Variants in DYNC2H1 observed in about 807,000 individuals in gnomAD.
The protein encoded by DYNC2H1 is dynein cytoplasmic 2 heavy chain 1, also known as cytoplasmic dynein 2 heavy chain 1.
A neutral mutation model predicts 570.0 loss-of-function variants in DYNC2H1; 410 were observed. That is an observed-to-expected ratio of 0.72 (90% confidence interval 0.66 to 0.78). DYNC2H1 has a LOEUF of 0.78. Among genes scored for constraint, DYNC2H1 ranks in the 30% least tolerant of loss-of-function variants. The pLI, the probability that DYNC2H1 is intolerant of heterozygous loss-of-function variation, is 0.00. For missense variants in DYNC2H1, 4,865 were observed against 5,046.4 expected (o/e 0.96, Z 1.09); for synonymous variants, 1,688 against 1,677.6 (o/e 1.01, Z -0.15).
At chr11:103,233,844 G>A (rs901453640) in intron 60 of DYNC2H1, among the ~76,000 whole-genome samples, 190 bp from the exon 61 acceptor site, 16 of 88,560 alleles carry the variant, frequency 1.8e-4, no homozygotes, top group African/African-American at 3.7e-4. Context: ...GTGTGTGTGT[G>A]TGTGTGTGTG....
Position 103,231,364 on chromosome 11 carries a change from G to A in DYNC2H1, c.9440+18G>A, listed in dbSNP as rs1288775767. 5 of 1,522,188 alleles carry A rather than the reference G, an allele frequency of 3.3e-6. No homozygotes were observed. The Middle Eastern group carries it at 5.2e-4, about 160-fold the overall frequency. The allele number at this position is 1,522,188 out of a possible 1,614,324, so 94.3% of individuals were successfully genotyped here. The stretch of plus-strand genomic sequence containing the variant: ...AAAGAAAAGTAAGTTATATTTTGAA[G>A]TGTATTTTGGATAATGCTGAGAGTG... On this transcript the variant is annotated intron_variant, in intron 60 of 88. Transcript: ENST00000375735.
intron 28 of DYNC2H1, among the ~76,000 whole-genome samples, chr11:103,159,894 G>A (rs1384771570): frequency 2.0e-5 from 3 of 152,094 alleles, no homozygotes; most frequent in Non-Finnish European, 4.4e-5. Context: ...ATCCTGCACG[G>A]TAGTTTATGT....
intron 65 of DYNC2H1, among the ~76,000 whole-genome samples, chr11:103,246,317 G>A (rs753608345): frequency 3.9e-5 from 6 of 151,946 alleles, no homozygotes; most frequent in East Asian, 1.9e-4. Flanking sequence ...GATATCTTAA[G>A]GAGGAGGAAA....
chr11:103,462,745 AGC>A lies in DYNC2H1; in HGVS notation c.12649-5843_12649-5842del, dbSNP rs1215648310. Among the ~76,000 whole-genome samples, 15 of 152,228 alleles carry A rather than the reference AGC, an allele frequency of 9.9e-5. No individual in the cohort carries two copies. In the South Asian group the frequency reaches 1.5e-3, roughly 15 times the overall value. Reference sequence around the variant, plus strand: ...CATTTTCTCTTTAAGTATCATTGTGAGCTTCTTGTATATCTAATGTTTCAGTA... The same window carrying A: ...CATTTTCTCTTTAAGTATCATTGTGATTCTTGTATATCTAATGTTTCAGTA... On this transcript the variant is annotated intron_variant, in intron 87 of 88. Transcript: ENST00000375735.
intron 88 of DYNC2H1, among the ~76,000 whole-genome samples, chr11:103,478,429 A>T (rs185216074): frequency 8.1e-4 from 123 of 152,232 alleles, no homozygotes; most frequent in African/African-American, 2.8e-3. Flanking sequence ...AAGAGAGACA[A>T]CCAGACATAT....
chr11:103,385,377 A>T (rs1565548475), intron 83 of DYNC2H1, among the ~76,000 whole-genome samples: 1 of 151,814 alleles, frequency 6.6e-6, no homozygotes, highest in East Asian at 1.9e-4. Context: ...TACATGATGC[A>T]TTCTGAATAA....
At position 103,143,359 on chromosome 11, in the gene DYNC2H1, T is replaced by G. The variant is rs759326887; in HGVS notation, c.2666T>G (p.Leu889Ter). The change falls in exon 18 of 89, where the codon TTA becomes TGA. Residue 889 changes from leucine (L) to a stop codon, truncating the protein, a stop_gained. Coordinates refer to ENST00000375735, the MANE Select transcript of DYNC2H1 (RefSeq NM_001377.3). LOFTEE classifies it high-confidence loss of function. ...VHDWEKNFKA[L>*]KIKGKEVERL... ...GATTGGGAGAAAAATTTTAAAGCAT[T>G]AAAAATAAAGGGGAAAGAAGTAGAA... is the stretch of plus-strand genomic sequence containing the variant. 1 of 1,612,442 alleles carries G rather than the reference T, an allele frequency of 6.2e-7. No individual in the cohort carries two copies. Among genetic ancestry groups the G allele is most frequent in the African/African-American group, 1.3e-5 (1 of 74,978 alleles).
chr11:103,442,170 G>A (rs986325371), intron 85 of DYNC2H1, among the ~76,000 whole-genome samples: 11 of 151,974 alleles, frequency 7.2e-5, no homozygotes, highest in Non-Finnish European at 1.3e-4. Context: ...TTCATTCGGT[G>A]AATATTTATT....
chr11:103,433,614 CCA>C (rs1398974693), intron 84 of DYNC2H1, among the ~76,000 whole-genome samples: 3 of 152,040 alleles, frequency 2.0e-5, no homozygotes, highest in Non-Finnish European at 2.9e-5. Context: ...TTAAAAACTG[CCA>C]CAGTCTGCCC....
chr11:103,286,550 G>A (rs557775726), intron 74 of DYNC2H1, among the ~76,000 whole-genome samples, 164 bp downstream of exon 74: 3 of 152,052 alleles, frequency 2.0e-5, no homozygotes, highest in East Asian at 3.9e-4. Flanking sequence ...ATTAAATCAC[G>A]CCAAAGTTTC....
intron 70 of DYNC2H1, among the ~76,000 whole-genome samples, chr11:103,270,284 G>T (rs181750689): frequency 6.6e-5 from 10 of 151,962 alleles, no homozygotes; most frequent in Admixed American, 3.9e-4. Flanking sequence ...CTTATCTATG[G>T]GGGATACAAT....
chr11:103,303,184 G>A lies in DYNC2H1; in HGVS notation c.11187G>A (p.Pro3729=), dbSNP rs747654745. The change falls in exon 76 of 89, where the codon CCG becomes CCA. Residue 3729 remains proline, a synonymous_variant. Transcript: ENST00000375735. ...AACCCATCTTGATAATTATTTCTCC[G>A]GGTGCTGATCCTTCTCAGGAACTTC... ...EIEPILIIIS[P]GADPSQELQE... 4.3e-6 allele frequency: 7 copies of A among 1,612,356 alleles called. No homozygotes were observed. Among genetic ancestry groups the A allele is most frequent in the East Asian group, 2.2e-5 (1 of 44,828 alleles).
chr11:103,159,574 T>C (rs1860993751), intron 28 of DYNC2H1, among the ~76,000 whole-genome samples: 2 of 152,130 alleles, frequency 1.3e-5, no homozygotes, highest in Non-Finnish European at 2.9e-5. Context: ...AAAACTGTAA[T>C]GTCAAATGCT....
chr11:103,216,800 A>AC (rs1396772203), intron 55 of DYNC2H1, among the ~76,000 whole-genome samples: 1 of 151,474 alleles, frequency 6.6e-6, no homozygotes, highest in Non-Finnish European at 1.5e-5. Flanking sequence ...AAAAAAAAAA[A>AC]ATTCAATTTT....
intron 42 of DYNC2H1, 46 bp from the exon 43 acceptor site, chr11:103,187,294 G>C: frequency 6.2e-7 from 1 of 1,606,518 alleles, no homozygotes; most frequent in Middle Eastern, 1.7e-4. Context: ...AATGTATTTT[G>C]TTGGTTGCAT....
At chr11:103,438,046 G>T (rs1350226652) in intron 85 of DYNC2H1, among the ~76,000 whole-genome samples, 2 of 151,854 alleles carry the variant, frequency 1.3e-5, no homozygotes, top group African/African-American at 4.8e-5. Flanking sequence ...GCTTTATAAG[G>T]CATTTAACCT....
Position 103,170,637 on chromosome 11 carries a change from A to C in DYNC2H1, c.5152-249A>C, listed in dbSNP as rs973745720. On this transcript the variant is annotated intron_variant, in intron 33 of 88. Transcript: ENST00000375735. The surrounding 1 kb of genome is among the most constrained non-coding windows in gnomAD (Gnocchi z 4.8). ...ATGTAATTTGTATTTTGACTTAAAG[A>C]GTAACTAACACAAATCTTGTATTTT... Among the ~76,000 whole-genome samples the C allele has an allele frequency of 1.3e-5, 2 of 152,230 alleles. No individual in the cohort carries two copies. Among genetic ancestry groups the C allele is most frequent in the Admixed American group, 6.5e-5 (1 of 15,284 alleles).
chr11:103,453,615 CAT>C (rs66628059), intron 85 of DYNC2H1, among the ~76,000 whole-genome samples: 44,073 of 136,290 alleles, frequency 0.32, 7,954 homozygotes, highest in Middle Eastern at 0.46. Flanking sequence ...TTAGTTTAGA[CAT>C]ATATATATAT....
At position 103,311,977 on chromosome 11, in the gene DYNC2H1, T is replaced by C; in HGVS notation, c.11593T>C (p.Phe3865Leu). 6.2e-7 allele frequency: 1 copy of C among 1,613,760 alleles called. No individual in the cohort carries two copies. The highest frequency in any genetic ancestry group is 1.7e-4 in the Middle Eastern group (1 of 6,048). The change falls in exon 79 of 89, where the codon TTC (phenylalanine) becomes CTC (leucine). Residue 3865 changes from phenylalanine (F) to leucine (L), a missense_variant. This residue lies in a region of DYNC2H1 where 2,401 missense variants were observed against 2,454.6 expected (regional missense o/e 0.98). Transcript: ENST00000375735. ...TAATACACATCGAGCTCATGCTCTCTTCAGTCTTGCATGGTTTCATGCTGC... is the reference window on the plus strand; with the variant it reads ...TAATACACATCGAGCTCATGCTCTCCTCAGTCTTGCATGGTTTCATGCTGC... ...KDNTHRAHALFSLAWFHAACQ... is the reference protein window; with the variant it reads ...KDNTHRAHALLSLAWFHAACQ...
Sources: allele counts gnomAD v4.1 joint callset (sites outside exome capture counted in the v4.1 genomes callset), GRCh38; gene constraint gnomAD v4.1.1; regional missense constraint gnomAD v4.1.1; non-coding constraint Gnocchi (gnomAD v3.1); transcripts MANE v1.5; gene names NCBI Gene and HGNC (gene_info 2026-07-23, HGNC 2026-07-21).